Variants in PCDHGA7 observed in about 807,000 individuals in gnomAD.
PCDHGA7 encodes the protein protocadherin gamma subfamily A, 7.
PCDHGA7 carries 44 observed loss-of-function variants against 58.3 expected under a neutral mutation model. The ratio of observed to expected loss-of-function variants is 0.75; its 90% CI spans 0.59 to 0.97. PCDHGA7 has a LOEUF of 0.97. PCDHGA7 is among the 50% of genes least tolerant of loss of function. PCDHGA7 has a pLI of 0.00. For missense variants in PCDHGA7, 1,266 were observed against 1,188.7 expected, an observed-to-expected ratio of 1.06 and a Z score of -0.96; for synonymous variants, 516 against 504.2, an observed-to-expected ratio of 1.02 and a Z score of -0.31.
chr5:141,491,361 C>T lies in PCDHGA7; in HGVS notation c.2425-3446C>T. 1 of 1,614,132 alleles carries T rather than the reference C, an allele frequency of 6.2e-7. No homozygotes were observed. The highest frequency in any genetic ancestry group is 8.5e-7 in the Non-Finnish European group (1 of 1,179,982). ...CGACCGTCAGTCTCTTATCCCTAGT[C>T]ACCTTCACCTTTCTGTCAGCGAAGT... On this transcript the variant is annotated intron_variant, in intron 1 of 3. Transcript: ENST00000518325. The surrounding 1 kb of genome is among the most constrained non-coding windows in gnomAD (Gnocchi z 6.9).
Position 141,485,210 on chromosome 5 carries a change from C to G in PCDHGA7, c.2425-9597C>G. 2 of 1,614,058 alleles carry G rather than the reference C, an allele frequency of 1.2e-6. No individual in the cohort carries two copies. The highest frequency in any genetic ancestry group is 1.7e-6 in the Non-Finnish European group (2 of 1,179,934). On this transcript the variant is annotated intron_variant, in intron 1 of 3. Transcript: ENST00000518325. The surrounding 1 kb of genome is among the most constrained non-coding windows in gnomAD (Gnocchi z 5.7). ...GGTGAGAAGCTGGACAGAAATCTGG[C>G]GGTGGGCTACCCTTTTGTTCCTCTT...
rs1335023784 is a variant in PCDHGA7 at position 141,490,877 on chromosome 5, C to CCAA, written c.2425-3927_2425-3925dup. 2.5e-6 allele frequency: 4 copies of CCAA among 1,613,762 alleles called. No homozygotes were observed. Among genetic ancestry groups the CCAA allele is most frequent in the Non-Finnish European group, 3.4e-6 (4 of 1,179,908 alleles). On this transcript the variant is annotated intron_variant, in intron 1 of 3. Transcript: ENST00000518325. This position sits in a 1 kb window ranked among gnomAD's most constrained non-coding sequence, Gnocchi z 5.4. ...GACTCCGGCTCTCCCCCATTGCATG[C>CCAA]CAACACATCTCTGCATGTGTTTGTC...
intron 1 of PCDHGA7, chr5:141,394,095 G>A: frequency 6.2e-7 from 1 of 1,613,848 alleles, no homozygotes; most frequent in Non-Finnish European, 8.5e-7. Context: ...CTCAGATCTA[G>A]GAACACCACC....
At position 141,512,348 on chromosome 5, in the gene PCDHGA7, G is replaced by C. The variant is rs1172891268; in HGVS notation, c.*1175G>C. 4 of 152,886 alleles carry C rather than the reference G, an allele frequency of 2.6e-5. No homozygotes were observed. The highest frequency in any genetic ancestry group is 9.6e-5 in the African/African-American group (4 of 41,462). The allele number at this position is 152,886 out of a possible 1,614,324, so 9.5% of individuals were successfully genotyped here. A position where few individuals can be genotyped will look rare whatever the true frequency, so the allele number is the denominator to read the frequency against. ...GGCCATTCTTAGTCCCTGGGTTGGG[G>C]AGGCAGGGAGCTAGGGCAGGGACCA... On this transcript the variant is annotated 3_prime_UTR_variant, in exon 4 of 4. Transcript: ENST00000518325.
At position 141,477,019 on chromosome 5, in the gene PCDHGA7, C is replaced by T. The variant is rs148675327; in HGVS notation, c.2425-17788C>T. 1.9e-5 allele frequency: 30 copies of T among 1,614,242 alleles called. No individual in the cohort carries two copies. Among genetic ancestry groups the T allele is most frequent in the Non-Finnish European group, 2.5e-5 (30 of 1,180,048 alleles). On this transcript the variant is annotated intron_variant, in intron 1 of 3. Transcript: ENST00000518325. This position sits in a 1 kb window ranked among gnomAD's most constrained non-coding sequence, Gnocchi z 4.9. ...AACTATTCGCCTTAGACCTTGTAAC[C>T]GGGATGCTGACAATCAAGGGTCGGC...
chr5:141,497,540 C>CA (rs1491509812), intron 2 of PCDHGA7, among the ~76,000 whole-genome samples: 7 of 134,922 alleles, frequency 5.2e-5, no homozygotes, highest in Admixed American at 1.5e-4. Flanking sequence ...TGCAACAAAC[C>CA]TTTTTTTTTT....
At position 141,431,317 on chromosome 5, in the gene PCDHGA7, C is replaced by T. The variant is rs778667104; in HGVS notation, c.2424+45994C>T. ...TCTCCCTCATCGTGCAAAATGGAGC[C>T]GACGGTAGTAAGTACCCCGAATTGG... On this transcript the variant is annotated intron_variant, in intron 1 of 3. Coordinates refer to ENST00000518325, the MANE Select transcript of PCDHGA7 (RefSeq NM_018920.4). This position sits in a 1 kb window ranked among gnomAD's most constrained non-coding sequence, Gnocchi z 4.8. The T allele has an allele frequency of 6.2e-6, 10 of 1,613,964 alleles. No homozygotes were observed. The highest frequency in any genetic ancestry group is 7.6e-6 in the Non-Finnish European group (9 of 1,180,046).
chr5:141,440,990 C>T (rs1195325115), intron 1 of PCDHGA7: 2 of 152,172 alleles, frequency 1.3e-5, no homozygotes, highest in African/African-American at 4.8e-5. Flanking sequence ...CCAGAGTACC[C>T]ATATCTAGTT....
At position 141,400,246 on chromosome 5, in the gene PCDHGA7, G is replaced by T. The variant is rs373890751; in HGVS notation, c.2424+14923G>T. 4 of 1,613,986 alleles carry T rather than the reference G, an allele frequency of 2.5e-6. No individual in the cohort carries two copies. In the East Asian group the frequency reaches 6.7e-5, roughly 27 times the overall value. Reference sequence around the variant, plus strand: ...CTTCCTCCTGGCCGTGATTCTGGCCGTTGCCTTGCGCCTGCGACGCTCCTC... The same window carrying T: ...CTTCCTCCTGGCCGTGATTCTGGCCTTTGCCTTGCGCCTGCGACGCTCCTC... On this transcript the variant is annotated intron_variant, in intron 1 of 3. Transcript: ENST00000518325.
chr5:141,488,885 T>C (rs1401230063), intron 1 of PCDHGA7, among the ~76,000 whole-genome samples: 1 of 152,194 alleles, frequency 6.6e-6, no homozygotes, highest in Admixed American at 6.5e-5. Flanking sequence ...GAAGCTTCTG[T>C]GACACAGATT....
At chr5:141,469,362 G>GT (rs1212141268) in intron 1 of PCDHGA7, among the ~76,000 whole-genome samples, 4 of 152,084 alleles carry the variant, frequency 2.6e-5, no homozygotes, top group Non-Finnish European at 5.9e-5. Flanking sequence ...GGATCATGAG[G>GT]TAAAGAGATC....
intron 1 of PCDHGA7, chr5:141,424,522 T>C (rs2096826398): frequency 6.6e-6 from 1 of 152,212 alleles, no homozygotes; most frequent in South Asian, 2.1e-4. Flanking sequence ...ATGTAGTAAA[T>C]CCATATATAG....
chr5:141,399,332 C>T (rs2093787388), intron 1 of PCDHGA7: 1 of 1,613,994 alleles, frequency 6.2e-7, no homozygotes, highest in Non-Finnish European at 8.5e-7. Flanking sequence ...AAGTTGGTAA[C>T]AGATGGAACC....
chr5:141,436,998 A>G (rs985067199), intron 1 of PCDHGA7, among the ~76,000 whole-genome samples: 23 of 152,242 alleles, frequency 1.5e-4, no homozygotes, highest in South Asian at 2.1e-4. Flanking sequence ...GTTTACTTCA[A>G]TGGGATCTTA....
At chr5:141,492,587 C>G (rs2154587748) in intron 1 of PCDHGA7, among the ~76,000 whole-genome samples, 1 of 152,314 alleles carries the variant, frequency 6.6e-6, no homozygotes, top group African/African-American at 2.4e-5. Flanking sequence ...GGGCCAGGAG[C>G]GCTGGAGCGA....
At chr5:141,410,340 T>C (rs1408707323) in intron 1 of PCDHGA7, 5 of 1,614,068 alleles carry the variant, frequency 3.1e-6, no homozygotes, top group Non-Finnish European at 2.5e-6. Context: ...GCCATTGCCT[T>C]GCGCCTGCGA....
intron 1 of PCDHGA7, chr5:141,420,568 T>C (rs2096507107): frequency 8.5e-6 from 2 of 235,080 alleles, no homozygotes; most frequent in African/African-American, 2.3e-5. Flanking sequence ...CGGCATGGTA[T>C]TTTAATTGAA....
chr5:141,487,864 C>A lies in PCDHGA7; in HGVS notation c.2425-6943C>A. On this transcript the variant is annotated intron_variant, in intron 1 of 3. Coordinates refer to ENST00000518325, the MANE Select transcript of PCDHGA7 (RefSeq NM_018920.4). The surrounding 1 kb of genome is among the most constrained non-coding windows in gnomAD (Gnocchi z 5.0). ...GTAAGAAATGAAAGTAATTGGTGAT[C>A]AAGAGCCAGGCTGTTGTGGAAGCAT... 1 of 899,610 alleles carries A rather than the reference C, an allele frequency of 1.1e-6. No individual in the cohort carries two copies. Among genetic ancestry groups the A allele is most frequent in the Non-Finnish European group, 1.7e-6 (1 of 599,584 alleles). The allele number at this position is 899,610 out of a possible 1,614,324, so 55.7% of individuals were successfully genotyped here.
intron 1 of PCDHGA7, chr5:141,395,403 A>G: frequency 2.4e-6 from 2 of 849,494 alleles, no homozygotes; most frequent in East Asian, 2.8e-5. Flanking sequence ...TCTAATAGTC[A>G]TAGGTTATTG....
Sources: gnomAD v4.1 joint callset for allele counts (sites outside exome capture counted in the v4.1 genomes callset) on GRCh38, gnomAD v4.1.1 for gene constraint, Gnocchi (gnomAD v3.1) non-coding constraint, MANE v1.5 for transcripts, NCBI Gene and HGNC (gene_info 2026-07-23, HGNC 2026-07-21) for gene names.